Variants in DHX9 observed in about 807,000 individuals in gnomAD.
DHX9 encodes DExH-box helicase 9.
In DHX9, 27 loss-of-function variants were observed where a neutral mutation model predicts 148.7. That is an observed-to-expected ratio of 0.18 (90% CI 0.13 to 0.25). The LOEUF (loss-of-function observed/expected upper bound fraction) is 0.25. Among genes scored for constraint, DHX9 ranks in the 10% least tolerant of loss-of-function variants. The pLI, the probability that DHX9 is intolerant of heterozygous loss-of-function variation, is 1.00. For synonymous variants in DHX9, 529 were observed against 516.6 expected, an observed-to-expected ratio of 1.02 and a Z score of -0.33; for missense variants, 796 against 1,559.6, an observed-to-expected ratio of 0.51 and a Z score of 8.25.
At chr1:182,866,328 C>A in intron 12 of DHX9, 116 bp from the exon 13 acceptor site, 2 of 1,002,434 alleles carry the variant, frequency 2.0e-6, no homozygotes, top group Non-Finnish European at 1.4e-6. Context: ...TTTATTGTTT[C>A]TGTTAATTAT....
intron 14 of DHX9, 81 bp from the exon 15 acceptor site, chr1:182,872,256 A>T: frequency 8.5e-7 from 1 of 1,173,212 alleles, no homozygotes. Flanking sequence ...TTGATGTCTT[A>T]TGGCTGTATA....
At chr1:182,854,956 C>T (rs896159078) in intron 6 of DHX9, among the ~76,000 whole-genome samples, 1 of 152,006 alleles carries the variant, frequency 6.6e-6, no homozygotes, top group African/African-American at 2.4e-5. Context: ...GTTTGCTGTC[C>T]GTACTTATGA....
At chr1:182,872,967 T>G (rs1225170242) in intron 15 of DHX9, among the ~76,000 whole-genome samples, 2 of 152,140 alleles carry the variant, frequency 1.3e-5, no homozygotes, top group Non-Finnish European at 2.9e-5. Context: ...TCTTTTTGTT[T>G]TTCTAAGACA....
Position 182,887,404 on chromosome 1 carries a change from T to A in DHX9, c.3783T>A (p.Phe1261Leu). ...GGRGAYGTGY[F>L]GQGRGGGGY ...GGGGGGCCTATGGAACTGGCTACTT[T>A]GGACAGGGAAGAGGAGGTGGCGGCT... Residue 1261 changes from phenylalanine (F) to leucine (L), a missense_variant, in exon 28 of 28, where the codon TTT becomes TTA. This residue lies in a region of DHX9 where 98 missense variants were observed against 105.5 expected (regional missense o/e 0.93). Transcript: ENST00000367549. 1 of 1,613,830 alleles carries A rather than the reference T, an allele frequency of 6.2e-7. No homozygotes were observed. The highest frequency in any genetic ancestry group is 8.5e-7 in the Non-Finnish European group (1 of 1,179,924).
chr1:182,867,150 C>A, intron 14 of DHX9, 107 bp downstream of exon 14: 1 of 651,354 alleles, frequency 1.5e-6, no homozygotes, highest in Non-Finnish European at 2.5e-6. Flanking sequence ...ATTATCAAAA[C>A]CATGAACTTC....
intron 3 of DHX9, among the ~76,000 whole-genome samples, chr1:182,847,339 ACTC>A (rs1253861375): frequency 2.6e-5 from 4 of 152,016 alleles, no homozygotes; most frequent in Non-Finnish European, 5.9e-5. Context: ...ATAATGTTAT[ACTC>A]CTCCAAAGAG....
At position 182,843,443 on chromosome 1, in the gene DHX9, C is replaced by G. The variant is rs181428664; in HGVS notation, c.252+9C>G. 297 of 1,582,912 alleles carry G rather than the reference C, an allele frequency of 1.9e-4. 1 individual carries two copies. In the East Asian group the frequency reaches 6.7e-3, roughly 36 times the overall value. On this transcript the variant is annotated intron_variant, in intron 3 of 27. Transcript: ENST00000367549. ...AAGTTCCAGCTTTTGGGGTAAGTAC[C>G]TATGGCGAAGCACTTGAGATGTATG... is the stretch of plus-strand genomic sequence containing the variant.
chr1:182,840,709 G>T (rs994471825), intron 1 of DHX9, among the ~76,000 whole-genome samples: 9 of 152,122 alleles, frequency 5.9e-5, no homozygotes, highest in African/African-American at 2.2e-4. Flanking sequence ...GGTTACTAAG[G>T]ATTAAGTAAA....
At chr1:182,853,194 G>T in intron 4 of DHX9, 112 bp from the exon 5 acceptor site, 1 of 734,382 alleles carries the variant, frequency 1.4e-6, no homozygotes, top group Non-Finnish European at 2.3e-6. Context: ...GGAAGTGCTG[G>T]GATTACAGAT....
At chr1:182,873,677 G>A (rs1648646623) in intron 15 of DHX9, among the ~76,000 whole-genome samples, 1 of 152,198 alleles carries the variant, frequency 6.6e-6, no homozygotes, top group South Asian at 2.1e-4. Flanking sequence ...GATAGGTGTG[G>A]ATACATGTGT....
chr1:182,857,776 G>A (rs1034384679), intron 7 of DHX9, among the ~76,000 whole-genome samples: 1 of 152,118 alleles, frequency 6.6e-6, no homozygotes, highest in African/African-American at 2.4e-5. Context: ...TTTACTCTTT[G>A]TCTTTTCAAA....
chr1:182,860,209 T>TA (rs1668335014), intron 12 of DHX9, 25 bp downstream of exon 12: 2 of 1,530,094 alleles, frequency 1.3e-6, no homozygotes, highest in African/African-American at 1.4e-5. Flanking sequence ...AACCATGAAA[T>TA]ACCTAGAGAG....
At chr1:182,883,678 T>C in intron 26 of DHX9, 43 bp downstream of exon 26, 1 of 1,406,622 alleles carries the variant, frequency 7.1e-7, no homozygotes, top group Non-Finnish European at 1.0e-6. Flanking sequence ...ATTCTTAGAA[T>C]TACAATATGA....
chr1:182,860,163 G>A lies in DHX9; in HGVS notation c.1311G>A (p.Glu437=). 5.6e-6 allele frequency: 9 copies of A among 1,605,318 alleles called. No homozygotes were observed. The highest frequency in any genetic ancestry group is 7.7e-6 in the Non-Finnish European group (9 of 1,176,388). The change falls in exon 12 of 28, where the codon GAG becomes GAA. Residue 437 remains glutamate (E), a synonymous_variant. Transcript: ENST00000367549. The part of the protein sequence containing the change: ...DDFIQNDRAA[E]CNIVVTQPRR... ...TTATCCAGAATGACCGAGCAGCAGA[G>A]TGTAACATCGTAGTAACTCAGGTAA...
chr1:182,855,198 A>G (rs1452291363), intron 6 of DHX9, among the ~76,000 whole-genome samples: 2 of 152,186 alleles, frequency 1.3e-5, no homozygotes, highest in Non-Finnish European at 2.9e-5. Flanking sequence ...GGAGTGATAC[A>G]TTTGTTGATG....
At chr1:182,884,237 C>G (rs1649218415) in intron 26 of DHX9, among the ~76,000 whole-genome samples, 1 of 152,092 alleles carries the variant, frequency 6.6e-6, no homozygotes, top group Admixed American at 6.5e-5. Flanking sequence ...CGCCACTGCA[C>G]TCCAGCGAGG....
At chr1:182,874,485 G>A (rs149170486) in intron 15 of DHX9, among the ~76,000 whole-genome samples, 3 of 152,304 alleles carry the variant, frequency 2.0e-5, no homozygotes, top group African/African-American at 7.2e-5. Flanking sequence ...GCCATTTTGT[G>A]TGTGCATACT....
At chr1:182,844,883 G>T (rs1668000040) in intron 3 of DHX9, among the ~76,000 whole-genome samples, 2 of 151,766 alleles carry the variant, frequency 1.3e-5, no homozygotes, top group African/African-American at 4.8e-5. Flanking sequence ...GGCTTGTCTT[G>T]AACTCCTGAC....
intron 1 of DHX9, among the ~76,000 whole-genome samples, chr1:182,840,384 C>T (rs1198480131): frequency 1.4e-5 from 2 of 147,858 alleles, no homozygotes; most frequent in Non-Finnish European, 2.9e-5. Context: ...ACAGCAACGT[C>T]GGTCTCCCGG....
Sources: allele counts gnomAD v4.1 joint callset (sites outside exome capture counted in the v4.1 genomes callset), GRCh38; gene constraint gnomAD v4.1.1; regional missense constraint gnomAD v4.1.1; transcripts MANE v1.5; gene names NCBI Gene and HGNC (gene_info 2026-07-23, HGNC 2026-07-21).